MATN2: variants seen among roughly 807,000 people sequenced by gnomAD.
The protein encoded by MATN2 is matrilin-2.
Under a neutral mutation model 103.2 loss-of-function variants are expected in MATN2, and 69 were observed. That is an observed-to-expected ratio of 0.67 (90% CI 0.55 to 0.82). The LOEUF (loss-of-function observed/expected upper bound fraction) is 0.82, where lower values mean the gene tolerates loss of function less well. Among genes scored for constraint, MATN2 ranks in the 40% least tolerant of loss-of-function variants. The pLI, the probability that MATN2 is intolerant of heterozygous loss-of-function variation, is 0.00. For synonymous variants in MATN2, 429 were observed against 450.2 expected, an observed-to-expected ratio of 0.95 and a Z score of 0.60; for missense variants, 1,023 against 1,211.5, an observed-to-expected ratio of 0.84 and a Z score of 2.31.
intron 2 of MATN2, among the ~76,000 whole-genome samples, chr8:97,918,360 C>T (rs371470200): frequency 1.3e-5 from 2 of 152,196 alleles, no homozygotes; most frequent in East Asian, 1.9e-4. Flanking sequence ...AGTACAGTGC[C>T]TTCTATGTGC....
chr8:97,941,631 T>G, intron 3 of MATN2, 146 bp from the exon 4 acceptor site: 3 of 790,640 alleles, frequency 3.8e-6, no homozygotes, highest in Non-Finnish European at 6.0e-6. Flanking sequence ...CCTTGGACTG[T>G]GAGCCCCCTT....
intron 5 of MATN2, among the ~76,000 whole-genome samples, chr8:97,966,399 A>G (rs567965757): frequency 6.6e-6 from 1 of 151,910 alleles, no homozygotes; most frequent in Non-Finnish European, 1.5e-5. Context: ...CTACAAAAAA[A>G]TTAAGAAATT....
At chr8:97,930,432 C>G (rs1057302564) in intron 2 of MATN2, 2 of 152,874 alleles carry the variant, frequency 1.3e-5, no homozygotes, top group Non-Finnish European at 2.9e-5. Flanking sequence ...ATTCATTTAT[C>G]TTGCAAAAAG....
At chr8:98,003,605 A>G (rs1425259905) in intron 7 of MATN2, 56 bp from the exon 8 acceptor site, 1 of 1,604,570 alleles carries the variant, frequency 6.2e-7, no homozygotes, top group Non-Finnish European at 8.5e-7. Flanking sequence ...AGGGGCTGCC[A>G]TCAGCCCTGG....
chr8:97,928,538 CCTTAAGGTGCCT>C (rs1810069770), intron 2 of MATN2, among the ~76,000 whole-genome samples: 1 of 152,154 alleles, frequency 6.6e-6, no homozygotes, highest in South Asian at 2.1e-4. Context: ...AAAGCACCCC[CCTTAAGGTGCCT>C]CTTAGGGTGG....
At chr8:97,995,429 T>C (rs908011816) in intron 7 of MATN2, among the ~76,000 whole-genome samples, 1 of 152,226 alleles carries the variant, frequency 6.6e-6, no homozygotes, top group Non-Finnish European at 1.5e-5. Flanking sequence ...TAGCCTTTTT[T>C]AGGCGTGCAA....
chr8:97,898,493 A>G (rs1408500150), intron 2 of MATN2, among the ~76,000 whole-genome samples: 1 of 151,636 alleles, frequency 6.6e-6, no homozygotes, highest in East Asian at 1.9e-4. Flanking sequence ...GCTACTCGGG[A>G]GGCCGAGGCA....
intron 4 of MATN2, among the ~76,000 whole-genome samples, 200 bp from the exon 5 acceptor site, chr8:97,961,208 T>TG (rs1563693015): frequency 6.6e-6 from 1 of 152,256 alleles, no homozygotes; most frequent in African/African-American, 2.4e-5. Flanking sequence ...GGATTACAGA[T>TG]GGGGGGATTA....
chr8:97,875,455 G>T (rs1283494055), intron 1 of MATN2, among the ~76,000 whole-genome samples: 2 of 152,040 alleles, frequency 1.3e-5, no homozygotes, highest in Non-Finnish European at 2.9e-5. Context: ...ATAAAAAGGT[G>T]CACAAATCAT....
At chr8:97,871,044 G>A (rs2061545475) in intron 1 of MATN2, among the ~76,000 whole-genome samples, 2 of 152,162 alleles carry the variant, frequency 1.3e-5, no homozygotes, top group South Asian at 4.1e-4. Flanking sequence ...GGCCACCAAG[G>A]CCTAAGCTTG....
Position 98,027,699 on chromosome 8 carries a change from T to C in MATN2, c.2226T>C (p.Phe742=). 1 of 1,613,942 alleles carries C rather than the reference T, an allele frequency of 6.2e-7. No individual in the cohort carries two copies. ...CTGGGCTGGCCCTGAAACACATGTTTGAGAGAAGTTTTACCCAAGGAGAAG... is the reference window on the plus strand; with the variant it reads ...CTGGGCTGGCCCTGAAACACATGTTCGAGAGAAGTTTTACCCAAGGAGAAG... The part of the protein sequence containing the change: ...SMTGLALKHM[F]ERSFTQGEGA... The change falls in exon 14 of 19, where the codon TTT becomes TTC. Residue 742 remains phenylalanine (F), a synonymous_variant. Coordinates refer to ENST00000254898, the MANE Select transcript of MATN2 (RefSeq NM_002380.5).
At chr8:97,933,200 AG>A (rs1391438057) in intron 3 of MATN2, among the ~76,000 whole-genome samples, 1 of 152,272 alleles carries the variant, frequency 6.6e-6, no homozygotes, top group East Asian at 1.9e-4. Context: ...GAAAGTGTTC[AG>A]AAGTGCCATT....
chr8:97,975,455 C>T (rs889082725), intron 5 of MATN2, among the ~76,000 whole-genome samples: 4 of 152,126 alleles, frequency 2.6e-5, no homozygotes, highest in African/African-American at 9.7e-5. Flanking sequence ...ATGGGATATC[C>T]CTCTGAGAGA....
chr8:97,972,628 C>T (rs766336207), intron 5 of MATN2, among the ~76,000 whole-genome samples: 8 of 152,170 alleles, frequency 5.3e-5, no homozygotes, highest in African/African-American at 1.9e-4. Flanking sequence ...GCTGAGAAAA[C>T]GTTAGAATTG....
chr8:97,914,341 C>T (rs1213056343), intron 2 of MATN2, among the ~76,000 whole-genome samples: 1 of 137,694 alleles, frequency 7.3e-6, no homozygotes, highest in Non-Finnish European at 1.5e-5. Context: ...CCTCGTTTGT[C>T]CTAATAAAAT....
chr8:97,943,885 C>A (rs1810657846), intron 4 of MATN2, among the ~76,000 whole-genome samples: 1 of 152,172 alleles, frequency 6.6e-6, no homozygotes, highest in Non-Finnish European at 1.5e-5. Context: ...ATTCTGACAC[C>A]AGCAAATAAA....
In MATN2 at chr8:97,888,223, C is replaced by T; in HGVS notation, c.123C>T (p.His41=). 4.5e-6 allele frequency: 7 copies of T among 1,571,354 alleles called. No homozygotes were observed. Among genetic ancestry groups the T allele is most frequent in the Non-Finnish European group, 6.0e-6 (7 of 1,157,158 alleles). The change falls in exon 2 of 19, where the codon CAC becomes CAT. Residue 41 remains histidine (H), a synonymous_variant. Transcript: ENST00000254898. ...CTAGGGGCAGACACGCTCGGACCCACCCGCAGACGGCCCTTCTGGGTGAGT... is the reference window on the plus strand; with the variant it reads ...CTAGGGGCAGACACGCTCGGACCCATCCGCAGACGGCCCTTCTGGGTGAGT... The part of the protein sequence containing the change: ...SISRGRHART[H]PQTALLESSC...
chr8:97,905,933 T>C (rs1462945780), intron 2 of MATN2, among the ~76,000 whole-genome samples: 2 of 152,180 alleles, frequency 1.3e-5, no homozygotes, highest in Non-Finnish European at 2.9e-5. Context: ...AATGCTGGGA[T>C]TATAGGTGTG....
Position 98,003,798 on chromosome 8 carries a change from G to C in MATN2, c.1327+15G>C, listed in dbSNP as rs759301680. On this transcript the variant is annotated intron_variant, in intron 8 of 18. Coordinates refer to ENST00000254898, the MANE Select transcript of MATN2 (RefSeq NM_002380.5). ...AACCTGCAGCCGTGAGTGTACCCTA[G>C]GGGTGGGGTGCTGATGGAAGGTGGG... is the stretch of plus-strand genomic sequence containing the variant. The C allele has an allele frequency of 1.2e-6, 2 of 1,613,474 alleles. No homozygotes were observed. The highest frequency in any genetic ancestry group is 8.5e-7 in the Non-Finnish European group (1 of 1,179,618).
Sources: gnomAD v4.1 joint callset for allele counts (sites outside exome capture counted in the v4.1 genomes callset) on GRCh38, gnomAD v4.1.1 for gene constraint, MANE v1.5 for transcripts, NCBI Gene and HGNC (gene_info 2026-07-23, HGNC 2026-07-21) for gene names.